Variants in GRID2 observed in about 807,000 individuals in gnomAD.
GRID2 encodes the protein glutamate receptor ionotropic, delta-2.
A neutral mutation model predicts 114.8 loss-of-function variants in GRID2; 33 were observed. The ratio of observed to expected loss-of-function variants is 0.29; its 90% CI spans 0.22 to 0.38. The LOEUF (loss-of-function observed/expected upper bound fraction) is 0.38, where lower values mean the gene tolerates loss of function less well. GRID2 is among the 10% of genes least tolerant of loss of function. The pLI is 1.00. For synonymous variants in GRID2, 505 were observed against 449.9 expected (o/e 1.12, Z -1.55); for missense variants, 1,184 against 1,257.7 (o/e 0.94, Z 0.89).
intron 2 of GRID2, among the ~76,000 whole-genome samples, chr4:92,731,582 T>C (rs980465255): frequency 6.6e-6 from 1 of 151,984 alleles, no homozygotes; most frequent in African/African-American, 2.4e-5. Flanking sequence ...TAATTTGTTA[T>C]AGTATTGTTT....
At chr4:93,410,326 A>G (rs558108621) in intron 9 of GRID2, among the ~76,000 whole-genome samples, 30 of 152,284 alleles carry the variant, frequency 2.0e-4, no homozygotes, top group African/African-American at 6.7e-4. Context: ...TAAGTGTCTC[A>G]GACTCTTCAG....
intron 2 of GRID2, among the ~76,000 whole-genome samples, chr4:92,849,425 G>T (rs1743591242): frequency 6.6e-6 from 1 of 151,926 alleles, no homozygotes; most frequent in Non-Finnish European, 1.5e-5. Flanking sequence ...TTGAGACCAT[G>T]CAATGAGTTA....
At chr4:93,775,870 T>C (rs1734359321), downstream of GRID2, among the ~76,000 whole-genome samples, 2 of 152,198 alleles carry the variant, frequency 1.3e-5, no homozygotes, top group Non-Finnish European at 2.9e-5. Context: ...CTCTTTTAGT[T>C]TGGGATTGGC....
chr4:92,597,622 GTTCT>G (rs1729016452), intron 2 of GRID2, among the ~76,000 whole-genome samples: 1 of 152,232 alleles, frequency 6.6e-6, no homozygotes, highest in Middle Eastern at 3.4e-3. Context: ...TGTTGTCTGT[GTTCT>G]TTCTTCTACC....
At chr4:92,762,226 A>T (rs1413989532) in intron 2 of GRID2, among the ~76,000 whole-genome samples, 1 of 152,028 alleles carries the variant, frequency 6.6e-6, no homozygotes, top group Non-Finnish European at 1.5e-5. Context: ...GCTAGGTTTT[A>T]ACTGTACTTT....
chr4:92,561,987 A>G (rs1222984045), intron 1 of GRID2, among the ~76,000 whole-genome samples: 1 of 152,128 alleles, frequency 6.6e-6, no homozygotes, highest in African/African-American at 2.4e-5. Context: ...TAAATAGTGG[A>G]CTCTCTTTAA....
chr4:92,497,143 A>G (rs762040252), intron 1 of GRID2, among the ~76,000 whole-genome samples: 2 of 151,236 alleles, frequency 1.3e-5, no homozygotes, highest in African/African-American at 2.4e-5. Flanking sequence ...TCCTCTGGTT[A>G]AAAAAAAATC....
intron 1 of GRID2, among the ~76,000 whole-genome samples, chr4:92,582,386 A>G (rs1363769839): frequency 6.6e-6 from 1 of 151,888 alleles, no homozygotes; most frequent in Non-Finnish European, 1.5e-5. Context: ...AGGTAACTGC[A>G]AAGATTGTTA....
intron 1 of GRID2, among the ~76,000 whole-genome samples, chr4:92,490,662 T>C (rs1723106476): frequency 6.6e-6 from 1 of 152,186 alleles, no homozygotes; most frequent in Non-Finnish European, 1.5e-5. Flanking sequence ...AATGAAATGC[T>C]GATTCTGAAT....
At position 93,808,453 on chromosome 4, in the gene GRID2, C is replaced by T. The variant is rs184658659; in HGVS notation, c.*1580C>T. 14 of 152,330 alleles carry T rather than the reference C, an allele frequency of 9.2e-5. No individual in the cohort carries two copies. The East Asian group carries it at 2.7e-3, about 29-fold the overall frequency. 9.4% of individuals were successfully genotyped at this position (152,330 alleles called of 1,614,324 possible). On this transcript the variant is annotated 3_prime_UTR_variant, in exon 2 of 2. Coordinates refer to the GRID2 transcript ENST00000637838. Reference sequence around the variant, plus strand: ...TTTAATCACCCCATTTCCATGGGTTCTTCATCTTCTCTACGTAATACAATA... The same window carrying T: ...TTTAATCACCCCATTTCCATGGGTTTTTCATCTTCTCTACGTAATACAATA...
intron 4 of GRID2, among the ~76,000 whole-genome samples, chr4:93,173,266 AAC>A (rs1391539791): frequency 3.9e-5 from 6 of 152,300 alleles, no homozygotes; most frequent in South Asian, 2.1e-4. Flanking sequence ...AGTGGAAAAA[AAC>A]AGTCTTTTTT....
chr4:93,457,238 C>T (rs192826667), intron 11 of GRID2, among the ~76,000 whole-genome samples: 10 of 151,988 alleles, frequency 6.6e-5, no homozygotes, highest in African/African-American at 1.4e-4. Flanking sequence ...ATGTTAATGT[C>T]GCAGAGAAGG....
chr4:93,697,746 A>C lies in GRID2; in HGVS notation c.2360+71311A>C, dbSNP rs1030044329. 1.0e-4 allele frequency among the ~76,000 whole-genome samples: 9 copies of C among 86,898 alleles called. No homozygotes were observed. In the Admixed American group the frequency reaches 1.2e-3, roughly 11 times the overall value. The allele number at this position is 86,898 out of a possible 152,430, so 57.0% of individuals were successfully genotyped here. On this transcript the variant is annotated intron_variant, in intron 14 of 15. Coordinates refer to ENST00000282020, the MANE Select transcript of GRID2 (RefSeq NM_001510.4). The stretch of plus-strand genomic sequence containing the variant: ...TTTTATAACAAGGTGACTATAGTTA[A>C]TAACAATACATTATATCTTTAAAAT...
chr4:93,370,110 G>T (rs1460269380), intron 8 of GRID2, among the ~76,000 whole-genome samples: 9 of 151,810 alleles, frequency 5.9e-5, no homozygotes, highest in African/African-American at 2.2e-4. Context: ...TTATCCAAGG[G>T]CTATGGTCTT....
chr4:93,701,541 A>G (rs1008198958), intron 14 of GRID2, among the ~76,000 whole-genome samples: 1 of 152,166 alleles, frequency 6.6e-6, no homozygotes, highest in Non-Finnish European at 1.5e-5. Context: ...TCAGTTTGGA[A>G]AAAAAGAATA....
At chr4:92,655,946 G>T (rs903288392) in intron 2 of GRID2, among the ~76,000 whole-genome samples, 2 of 151,606 alleles carry the variant, frequency 1.3e-5, no homozygotes, top group Admixed American at 6.6e-5. Context: ...CTTGTTCAAG[G>T]TATTTGAGGA....
intron 2 of GRID2, among the ~76,000 whole-genome samples, chr4:92,755,388 G>A (rs1203524409): frequency 6.6e-6 from 1 of 152,120 alleles, no homozygotes; most frequent in African/African-American, 2.4e-5. Flanking sequence ...AGCAATTCAT[G>A]AAGATAATTT....
intron 2 of GRID2, among the ~76,000 whole-genome samples, chr4:92,898,387 C>A (rs1747324240): frequency 6.6e-6 from 1 of 152,080 alleles, no homozygotes; most frequent in African/African-American, 2.4e-5. Context: ...CCAATGATTT[C>A]TAAAAGCAGC....
At chr4:93,535,165 A>G (rs1731908283) in intron 13 of GRID2, among the ~76,000 whole-genome samples, 1 of 151,508 alleles carries the variant, frequency 6.6e-6, no homozygotes, top group African/African-American at 2.4e-5. Flanking sequence ...CCATGTTGTC[A>G]CAAATGGTGG....
Sources: gnomAD v4.1 joint callset for allele counts (sites outside exome capture counted in the v4.1 genomes callset) on GRCh38, gnomAD v4.1.1 for gene constraint, MANE v1.5 for transcripts, NCBI Gene and HGNC (gene_info 2026-07-23, HGNC 2026-07-21) for gene names.